Variants in MAST2 observed in about 807,000 individuals in gnomAD.
MAST2 encodes microtubule associated serine/threonine kinase 2, also known as microtubule-associated serine/threonine-protein kinase 2.
A neutral mutation model predicts 147.4 loss-of-function variants in MAST2; 70 were observed. The observed-to-expected ratio is 0.47, with a 90% CI of 0.39 to 0.58. The LOEUF (loss-of-function observed/expected upper bound fraction) is 0.58, where lower values mean the gene tolerates loss of function less well. Among genes scored for constraint, MAST2 ranks in the 20% least tolerant of loss-of-function variants. The pLI is 0.00. For missense variants in MAST2, 2,080 were observed against 2,302.3 expected, an observed-to-expected ratio of 0.90 and a Z score of 1.98; for synonymous variants, 869 against 896.8, an observed-to-expected ratio of 0.97 and a Z score of 0.55.
chr1:45,976,256 T>C (rs919611600), intron 5 of MAST2, among the ~76,000 whole-genome samples: 4 of 152,024 alleles, frequency 2.6e-5, no homozygotes, highest in Admixed American at 6.5e-5. Context: ...GGATTACAGG[T>C]GTGAGCCACC....
intron 5 of MAST2, among the ~76,000 whole-genome samples, chr1:45,978,383 G>A (rs998186153): frequency 3.9e-5 from 6 of 152,144 alleles, no homozygotes; most frequent in Admixed American, 1.3e-4. Context: ...GGGCATGGTG[G>A]CGCACACCTG....
chr1:46,028,666 T>C, intron 17 of MAST2, 102 bp from the exon 18 acceptor site: 2 of 1,251,320 alleles, frequency 1.6e-6, no homozygotes, highest in South Asian at 2.6e-5. Flanking sequence ...GAGTCTTCAT[T>C]CAGAGATTCT....
chr1:45,947,930 A>G (rs1047212432), intron 4 of MAST2, among the ~76,000 whole-genome samples: 4 of 152,246 alleles, frequency 2.6e-5, no homozygotes, highest in Admixed American at 1.3e-4. Flanking sequence ...GTTAGCCAGG[A>G]TGGTCTTGAT....
At chr1:45,863,824 A>G (rs1011396070) in intron 3 of MAST2, among the ~76,000 whole-genome samples, 5 of 152,164 alleles carry the variant, frequency 3.3e-5, no homozygotes, top group Admixed American at 1.3e-4. Flanking sequence ...ATTTTGTAGG[A>G]GAGTAATTAT....
At chr1:46,014,662 C>G (rs995139694) in intron 10 of MAST2, among the ~76,000 whole-genome samples, 2 of 151,978 alleles carry the variant, frequency 1.3e-5, no homozygotes, top group African/African-American at 4.8e-5. Context: ...CAGGAGCACC[C>G]AGTTTCATAA....
chr1:45,844,683 A>G lies in MAST2; in HGVS notation c.468+15102A>G, dbSNP rs75503561. On this transcript the variant is annotated intron_variant, in intron 3 of 28. Coordinates refer to ENST00000361297, the MANE Select transcript of MAST2 (RefSeq NM_015112.3). ...TCAAGCAATCCTGCCTCAGACTTCA[A>G]ACTATCGGGATTACAGTTGTGAGCC... Among the ~76,000 whole-genome samples, 2,240 of 152,222 alleles carry G rather than the reference A, an allele frequency of 0.015. 111 individuals carry two copies. In the East Asian group the frequency reaches 0.2, roughly 13 times the overall value.
At chr1:45,884,450 G>C (rs960716092) in intron 4 of MAST2, among the ~76,000 whole-genome samples, 24 of 152,264 alleles carry the variant, frequency 1.6e-4, no homozygotes, top group Admixed American at 1.4e-3. Context: ...TACTCAGGGG[G>C]CTGAGACAGG....
intron 4 of MAST2, among the ~76,000 whole-genome samples, chr1:45,948,981 A>G (rs1488495213): frequency 6.6e-6 from 1 of 152,164 alleles, no homozygotes; most frequent in Admixed American, 6.5e-5. Context: ...GCAATGGGGA[A>G]AAGACTCCCT....
At chr1:46,030,468 A>G in intron 21 of MAST2, 139 bp from the exon 22 acceptor site, 2 of 1,067,898 alleles carry the variant, frequency 1.9e-6, no homozygotes, top group Non-Finnish European at 1.3e-6. Context: ...TCCTTCCCCA[A>G]ATATTCAGCA....
chr1:46,004,919 T>C (rs1001507002), intron 7 of MAST2, among the ~76,000 whole-genome samples: 2 of 151,402 alleles, frequency 1.3e-5, no homozygotes, highest in African/African-American at 4.9e-5. Context: ...AAAAAAAAAA[T>C]AGCTGGACAT....
chr1:45,853,230 C>G (rs1326324290), intron 3 of MAST2, among the ~76,000 whole-genome samples: 1 of 151,878 alleles, frequency 6.6e-6, no homozygotes, highest in African/African-American at 2.4e-5. Flanking sequence ...TGCCCTAAAA[C>G]TATAAACTTT....
chr1:45,940,158 A>T (rs1204766644), intron 4 of MAST2, among the ~76,000 whole-genome samples: 2 of 150,288 alleles, frequency 1.3e-5, no homozygotes, highest in African/African-American at 4.9e-5. Context: ...ACGCCTGGCT[A>T]ATTTTTGTAT....
intron 12 of MAST2, 140 bp downstream of exon 12, chr1:46,022,222 C>A: frequency 9.9e-7 from 1 of 1,011,260 alleles, no homozygotes; most frequent in Non-Finnish European, 1.4e-6. Context: ...TTAGGAGATA[C>A]CCTGTGATCT....
chr1:45,878,499 G>A (rs1646702926), intron 3 of MAST2, among the ~76,000 whole-genome samples: 1 of 152,102 alleles, frequency 6.6e-6, no homozygotes, highest in South Asian at 2.1e-4. Context: ...TGAGAAGCAA[G>A]ACGAGGATGT....
At chr1:46,018,929 C>G (rs1357757750) in intron 10 of MAST2, among the ~76,000 whole-genome samples, 1 of 152,208 alleles carries the variant, frequency 6.6e-6, no homozygotes, top group African/African-American at 2.4e-5. Flanking sequence ...GCAGTACATT[C>G]TTTACCTATC....
intron 4 of MAST2, among the ~76,000 whole-genome samples, chr1:45,951,056 A>C (rs1468279117): frequency 6.6e-6 from 1 of 151,134 alleles, no homozygotes; most frequent in Non-Finnish European, 1.5e-5. Flanking sequence ...CATCTCTACT[A>C]AATTTTTTTT....
At chr1:45,996,227 C>T (rs1645052296) in intron 5 of MAST2, among the ~76,000 whole-genome samples, 1 of 151,936 alleles carries the variant, frequency 6.6e-6, no homozygotes, top group Non-Finnish European at 1.5e-5. Flanking sequence ...GTAGGATGCT[C>T]ATGTCCAGGC....
At chr1:45,987,776 G>GTTTTTTTTTTTTTTT (rs1644692974) in intron 5 of MAST2, among the ~76,000 whole-genome samples, 16 of 30,708 alleles carry the variant, frequency 5.2e-4, no homozygotes, top group Non-Finnish European at 5.9e-4. Flanking sequence ...TTTTTTTTTT[G>GTTTTTTTTTTTTTTT]ATTTTTTTTT....
In MAST2 at chr1:46,006,403, T is replaced by A; in HGVS notation, c.902+8T>A. On this transcript the variant is annotated splice_region_variant and intron_variant, in intron 8 of 28. Transcript: ENST00000361297. The stretch of plus-strand genomic sequence containing the variant: ...TCGCTCCCGGAGCCTCAGGTGAGGG[T>A]GCTCTCTGCCCACTGTTCCAGTGCA... 6.2e-7 allele frequency: 1 copy of A among 1,610,590 alleles called. No homozygotes were observed. Among genetic ancestry groups the A allele is most frequent in the South Asian group, 1.1e-5 (1 of 90,382 alleles).
Sources: gnomAD v4.1 joint callset for allele counts (sites outside exome capture counted in the v4.1 genomes callset) on GRCh38, gnomAD v4.1.1 for gene constraint, MANE v1.5 for transcripts, NCBI Gene and HGNC (gene_info 2026-07-23, HGNC 2026-07-21) for gene names.